Variants in TRPM8 observed in about 807,000 individuals in gnomAD.
TRPM8 encodes TRPM8 cationic channel.
In TRPM8, 110 loss-of-function variants were observed where a neutral mutation model predicts 133.7. The observed-to-expected ratio is 0.82, with a 90% CI of 0.70 to 0.96. The LOEUF (loss-of-function observed/expected upper bound fraction) is 0.96. Among genes scored for constraint, TRPM8 ranks in the 40% least tolerant of loss-of-function variants. The probability of loss-of-function intolerance (pLI) is 0.00; values close to 1 mark genes in which losing one functional copy is unlikely to be tolerated. For synonymous variants in TRPM8, 535 were observed against 532.3 expected, an observed-to-expected ratio of 1.01 and a Z score of -0.07; for missense variants, 1,291 against 1,379.5, an observed-to-expected ratio of 0.94 and a Z score of 1.02.
chr2:233,971,331 A>T (rs866816957), intron 17 of TRPM8, among the ~76,000 whole-genome samples: 40 of 152,264 alleles, frequency 2.6e-4, no homozygotes, highest in African/African-American at 8.4e-4. Context: ...GCCAACTCTG[A>T]CAGACTTTTT....
Position 234,017,390 on chromosome 2 carries a change from T to C in TRPM8, c.*134T>C. The C allele has an allele frequency of 2.1e-6, 1 of 471,154 alleles. No individual in the cohort carries two copies. Among genetic ancestry groups the C allele is most frequent in the Non-Finnish European group, 4.4e-6 (1 of 227,064 alleles). 29.2% of individuals were successfully genotyped at this position (471,154 alleles called of 1,614,324 possible). A position where few individuals can be genotyped will look rare whatever the true frequency, so the allele number is the denominator to read the frequency against. On this transcript the variant is annotated 3_prime_UTR_variant, in exon 26 of 26. Coordinates refer to ENST00000324695, the MANE Select transcript of TRPM8 (RefSeq NM_024080.5). ...TGGGTACATGGTGGATGATTTTAAA[T>C]CACCCTAGTGTGCTGAGACCTTGAG...
Position 234,018,743 on chromosome 2 carries a change from G to A in TRPM8, c.*1487G>A, listed in dbSNP as rs1693018973. 6.6e-6 allele frequency: 1 copy of A among 151,910 alleles called. No homozygotes were observed. The highest frequency in any genetic ancestry group is 2.4e-5 in the African/African-American group (1 of 41,356). The allele number at this position is 151,910 out of a possible 1,614,324, so 9.4% of individuals were successfully genotyped here. ...TCCTGTAATCCCAGCTACTCAGAAG[G>A]CTGAGGTACAAGAATTGCTGGAACC... On this transcript the variant is annotated 3_prime_UTR_variant, in exon 26 of 26. Transcript: ENST00000324695.
At chr2:234,004,364 G>T (rs1692640689) in intron 22 of TRPM8, among the ~76,000 whole-genome samples, 1 of 152,188 alleles carries the variant, frequency 6.6e-6, no homozygotes, top group South Asian at 2.1e-4. Context: ...AGGGTGCCTG[G>T]TCACTGCCTG....
intron 22 of TRPM8, among the ~76,000 whole-genome samples, chr2:234,001,993 G>A (rs1260666469): frequency 6.6e-6 from 1 of 152,138 alleles, no homozygotes; most frequent in Non-Finnish European, 1.5e-5. Context: ...GGGGGAGTGG[G>A]GAGCAGAGAA....
At chr2:233,945,806 A>G (rs763394388) in intron 6 of TRPM8, 50 bp from the exon 7 acceptor site, 2 of 1,518,988 alleles carry the variant, frequency 1.3e-6, no homozygotes, top group Admixed American at 1.7e-5. Context: ...ATCATCATGT[A>G]TCTTGACTGA....
intron 17 of TRPM8, among the ~76,000 whole-genome samples, chr2:233,971,935 G>C (rs904289073): frequency 9.9e-5 from 15 of 152,132 alleles, no homozygotes; most frequent in African/African-American, 3.6e-4. Context: ...AGAGCTGAGT[G>C]GTCTGTTTTG....
chr2:233,969,891 T>C (rs1008111802), intron 16 of TRPM8, 84 bp downstream of exon 16: 5 of 922,330 alleles, frequency 5.4e-6, no homozygotes, highest in Non-Finnish European at 8.7e-6. Flanking sequence ...CTCATGTAAA[T>C]GATTAAAAAG....
intron 17 of TRPM8, among the ~76,000 whole-genome samples, chr2:233,971,970 C>T (rs1023325414): frequency 3.9e-5 from 6 of 152,154 alleles, no homozygotes; most frequent in Non-Finnish European, 8.8e-5. Flanking sequence ...GGTGCGTTTA[C>T]AATCCCTGAG....
At chr2:233,930,886 T>C in intron 3 of TRPM8, 145 bp downstream of exon 3, 1 of 591,010 alleles carries the variant, frequency 1.7e-6, no homozygotes, top group East Asian at 2.8e-5. Context: ...GCAGGAAGGA[T>C]CTGGCAAGGA....
intron 2 of TRPM8, among the ~76,000 whole-genome samples, chr2:233,929,129 A>T (rs1691633190): frequency 6.6e-6 from 1 of 150,590 alleles, no homozygotes; most frequent in Non-Finnish European, 1.5e-5. Flanking sequence ...CCTAAGGGGG[A>T]TGGTATGTGG....
At chr2:234,005,850 G>T (rs972561248) in intron 22 of TRPM8, among the ~76,000 whole-genome samples, 1 of 151,442 alleles carries the variant, frequency 6.6e-6, no homozygotes, top group African/African-American at 2.4e-5. Context: ...GGCTGAGGTT[G>T]CAGGGAGGCA....
At chr2:233,994,169 C>G (rs1424950083) in intron 21 of TRPM8, among the ~76,000 whole-genome samples, 1 of 152,192 alleles carries the variant, frequency 6.6e-6, no homozygotes, top group Non-Finnish European at 1.5e-5. Flanking sequence ...TTAGCCTGAA[C>G]TTCCCTAATC....
At chr2:233,963,174 C>T (rs908112399) in intron 12 of TRPM8, 108 bp from the exon 13 acceptor site, 4 of 607,692 alleles carry the variant, frequency 6.6e-6, no homozygotes, top group Non-Finnish European at 1.2e-5. Context: ...AGAATGGAGT[C>T]ATGCACAAAG....
Position 233,926,602 on chromosome 2 carries a change from G to A in TRPM8, c.65G>A (p.Arg22Gln), listed in dbSNP as rs200473098. 2.0e-5 allele frequency: 32 copies of A among 1,613,998 alleles called. No homozygotes were observed. Among genetic ancestry groups the A allele is most frequent in the African/African-American group, 5.3e-5 (4 of 74,886 alleles). ...AGGAATGACACTCTGGACAGCACCC[G>A]GACCCTGTACTCCAGCGCGTCTCGG... Reference protein sequence around the residue: ...NRRNDTLDSTRTLYSSASRST... With the variant: ...NRRNDTLDSTQTLYSSASRST... The change falls in exon 2 of 26, where the codon CGG becomes CAG. Residue 22 changes from arginine (R) to glutamine (Q), a missense_variant. Transcript: ENST00000324695.
At chr2:234,005,583 CTTAA>C (rs1350564935) in intron 22 of TRPM8, among the ~76,000 whole-genome samples, 1 of 152,148 alleles carries the variant, frequency 6.6e-6, no homozygotes, top group African/African-American at 2.4e-5. Context: ...AATAACCACA[CTTAA>C]AAATAAATAC....
intron 22 of TRPM8, among the ~76,000 whole-genome samples, chr2:234,002,652 C>G (rs1692597978): frequency 6.6e-6 from 1 of 152,172 alleles, no homozygotes. Flanking sequence ...GCCTCCCCAC[C>G]TCCACCTGGA....
intron 15 of TRPM8, among the ~76,000 whole-genome samples, chr2:233,968,541 C>T (rs377381601): frequency 3.7e-4 from 57 of 152,276 alleles, no homozygotes; most frequent in East Asian, 2.9e-3. Flanking sequence ...GGGTCAAGCA[C>T]GCACCTGGCT....
chr2:234,006,888 G>A lies in TRPM8; in HGVS notation c.3166G>A (p.Glu1056Lys), dbSNP rs1692707244. The A allele has an allele frequency of 1.9e-6, 3 of 1,613,838 alleles. No individual in the cohort carries two copies. In the South Asian group the frequency reaches 3.3e-5, roughly 18 times the overall value. Residue 1056 changes from glutamate (E) to lysine (K), a missense_variant, in exon 23 of 26, where the codon GAG becomes AAG. Glu to Lys is a moderately conservative substitution (Grantham distance 56, BLOSUM62 1). Transcript: ENST00000324695. ...KNEDNETLAW[E>K]GVMKENYLVK... ...TGAAGACAATGAGACTCTGGCATGGGAGGGTGTCATGAAGGAAAACTACCT... is the reference window on the plus strand; with the variant it reads ...TGAAGACAATGAGACTCTGGCATGGAAGGGTGTCATGAAGGAAAACTACCT...
intron 6 of TRPM8, chr2:233,943,065 A>ATTTTT: frequency 4.1e-6 from 1 of 243,100 alleles, no homozygotes; most frequent in Admixed American, 6.2e-5. Context: ...CAACTGCAGT[A>ATTTTT]TCTTTTTTTT....
Sources: gnomAD v4.1 joint callset for allele counts (sites outside exome capture counted in the v4.1 genomes callset) on GRCh38, gnomAD v4.1.1 for gene constraint, MANE v1.5 for transcripts, NCBI Gene and HGNC (gene_info 2026-07-23, HGNC 2026-07-21) for gene names.